The following ZGRF1 variants were observed in gnomAD, a reference collection of about 807,000 sequenced individuals.
ZGRF1 encodes 5'-3' DNA helicase ZGRF1.
A neutral mutation model predicts 203.5 loss-of-function variants in ZGRF1; 196 were observed. The ratio of observed to expected loss-of-function variants is 0.96; its 90% CI spans 0.86 to 1.08. The LOEUF is 1.08. Ranked by LOEUF, ZGRF1 falls within the 50% of genes least tolerant of loss-of-function variation. The pLI, the probability that ZGRF1 is intolerant of heterozygous loss-of-function variation, is 0.00. For missense variants in ZGRF1, 2,326 were observed against 2,416.3 expected (o/e 0.96, Z 0.78); for synonymous variants, 809 against 841.3 (o/e 0.96, Z 0.66).
chr4:112,610,365 G>A (rs1282021674), intron 7 of ZGRF1, among the ~76,000 whole-genome samples: 1 of 151,966 alleles, frequency 6.6e-6, no homozygotes, highest in Non-Finnish European at 1.5e-5. Context: ...GAGGACAGGA[G>A]TTCGAGACCA....
chr4:112,551,952 T>C (rs1436994380), intron 22 of ZGRF1, among the ~76,000 whole-genome samples: 1 of 152,150 alleles, frequency 6.6e-6, no homozygotes. Context: ...TTTTAAAAAT[T>C]AGTTTTATTG....
At chr4:112,546,713 CAT>C (rs371421092) in intron 24 of ZGRF1, 1 of 152,242 alleles carries the variant, frequency 6.6e-6, no homozygotes, top group African/African-American at 2.4e-5. Flanking sequence ...GCCATTATCA[CAT>C]GAGTGGCTTA....
At chr4:112,615,365 T>C (rs982776034) in intron 6 of ZGRF1, among the ~76,000 whole-genome samples, 3 of 151,982 alleles carry the variant, frequency 2.0e-5, no homozygotes, top group Non-Finnish European at 4.4e-5. Flanking sequence ...GTAGCTTAGA[T>C]TACAGGTCCC....
Position 112,618,406 on chromosome 4 carries a change from A to C in ZGRF1, c.1636T>G (p.Ser546Ala), listed in dbSNP as rs1401426934. The change falls in exon 6 of 28, where the codon TCA (serine) becomes GCA (alanine). Residue 546 changes from serine to alanine, a missense_variant. By Grantham distance (99) the Ser-to-Ala change is moderately conservative. Transcript: ENST00000505019. ...NFETSDTEEE[S>A]QESNKISQDS... ...TGGGAAATTTTGTTGCTTTCCTGTG[A>C]TTCCTCCTCAGTGTCACTGGTCTCA... 6.2e-7 allele frequency: 1 copy of C among 1,613,866 alleles called. No individual in the cohort carries two copies. The highest frequency in any genetic ancestry group is 1.7e-5 in the Admixed American group (1 of 60,006).
At chr4:112,548,401 TATTA>T (rs1201245633) in intron 22 of ZGRF1, 21 bp from the exon 23 acceptor site, 8 of 1,531,096 alleles carry the variant, frequency 5.2e-6, no homozygotes, top group Non-Finnish European at 7.0e-6. Context: ...ACAAAAATGT[TATTA>T]ATTAACAATT....
In ZGRF1 at chr4:112,565,148, G is replaced by A; in HGVS notation, c.4439-1874C>T. 4.1e-6 allele frequency: 6 copies of A among 1,447,878 alleles called. No homozygotes were observed. The South Asian group carries it at 4.5e-5, about 11-fold the overall frequency. 89.7% of individuals were successfully genotyped at this position (1,447,878 alleles called of 1,614,324 possible). ...ACTGTGGCGCTCCGTGAAATTAGAT[G>A]TTATCAGAAGTCCACTGAACTTCTG... On this transcript the variant is annotated intron_variant, in intron 16 of 27. Transcript: ENST00000505019.
At chr4:112,576,979 G>T (rs1745356197) in intron 16 of ZGRF1, among the ~76,000 whole-genome samples, 1 of 151,376 alleles carries the variant, frequency 6.6e-6, no homozygotes, top group African/African-American at 2.4e-5. Flanking sequence ...ATAATCGTCA[G>T]ATTCACCAAA....
In ZGRF1 at chr4:112,541,144, A is replaced by G; in HGVS notation, c.5723T>C (p.Leu1908Ser). ...NGVTEIERSP[L>S]LEWLPTLCFY... ...ACACAGGGTTGGTAGCCATTCCAAT[A>G]AAGGGCTCCGCTCTATTTCTGTTAC... is the stretch of plus-strand genomic sequence containing the variant. Residue 1908 changes from leucine (L) to serine (S), a missense_variant, in exon 25 of 28, where the codon TTA (leucine) becomes TCA (serine). Transcript: ENST00000505019. 1 of 1,609,366 alleles carries G rather than the reference A, an allele frequency of 6.2e-7. No homozygotes were observed. The highest frequency in any genetic ancestry group is 8.5e-7 in the Non-Finnish European group (1 of 1,177,594).
intron 14 of ZGRF1, among the ~76,000 whole-genome samples, chr4:112,585,103 C>T (rs751002393): frequency 2.4e-4 from 37 of 152,066 alleles, no homozygotes; most frequent in Non-Finnish European, 4.6e-4. Context: ...TTATCAATTA[C>T]AGAAGTATGT....
intron 10 of ZGRF1, among the ~76,000 whole-genome samples, chr4:112,596,738 C>T (rs1249362829): frequency 3.3e-5 from 5 of 152,008 alleles, no homozygotes; most frequent in Non-Finnish European, 4.4e-5. Flanking sequence ...GGATTACAGG[C>T]ACATGCCACC....
intron 3 of ZGRF1, among the ~76,000 whole-genome samples, chr4:112,630,578 T>C (rs565272547): frequency 1.3e-3 from 196 of 152,214 alleles, no homozygotes; most frequent in African/African-American, 4.6e-3. Context: ...AGGGACTTCA[T>C]TCAGGAGGCC....
At chr4:112,630,555 T>C (rs1479132457) in intron 3 of ZGRF1, among the ~76,000 whole-genome samples, 1 of 152,050 alleles carries the variant, frequency 6.6e-6, no homozygotes, top group Non-Finnish European at 1.5e-5. Flanking sequence ...CTTTAATTGC[T>C]AGACTGAGGA....
At chr4:112,546,922 A>C (rs1425063122) in intron 24 of ZGRF1, 1 of 155,110 alleles carries the variant, frequency 6.4e-6, no homozygotes, top group East Asian at 1.9e-4. Flanking sequence ...TACCAGCACA[A>C]AATAGACTAA....
chr4:112,625,183 G>A (rs2047192371), intron 3 of ZGRF1, among the ~76,000 whole-genome samples: 1 of 152,154 alleles, frequency 6.6e-6, no homozygotes, highest in East Asian at 1.9e-4. Context: ...CAACTACTTC[G>A]GAAGCTAAGG....
At chr4:112,620,213 C>T in intron 4 of ZGRF1, 23 bp from the exon 5 acceptor site, 1 of 1,572,482 alleles carries the variant, frequency 6.4e-7, no homozygotes, top group Non-Finnish European at 8.7e-7. Context: ...ATGTCAAAAT[C>T]ACATACATCT....
chr4:112,560,732 C>T lies in ZGRF1; in HGVS notation c.4960+1G>A, dbSNP rs758473930. 6.4e-7 allele frequency: 1 copy of T among 1,568,092 alleles called. No homozygotes were observed. Among genetic ancestry groups the T allele is most frequent in the Non-Finnish European group, 8.7e-7 (1 of 1,152,044 alleles). ...CAATTATTTTCTTTCTTGCTTCTTA[C>T]CATGTATGATTGTGATAGGGAAGGT... On this transcript the variant is annotated splice_donor_variant, in intron 19 of 27. Transcript: ENST00000505019. LOFTEE classifies it high-confidence loss of function.
At chr4:112,633,948 G>A (rs1205472454) in intron 1 of ZGRF1, among the ~76,000 whole-genome samples, 2 of 152,152 alleles carry the variant, frequency 1.3e-5, no homozygotes, top group African/African-American at 2.4e-5. Context: ...CTGGGGTTGG[G>A]GGCCCAGCAG....
At chr4:112,590,623 T>G (rs1747992590) in intron 10 of ZGRF1, among the ~76,000 whole-genome samples, 1 of 151,926 alleles carries the variant, frequency 6.6e-6, no homozygotes. Context: ...TGACTGTATA[T>G]TTTCCTTAAT....
intron 3 of ZGRF1, among the ~76,000 whole-genome samples, chr4:112,626,539 C>T (rs1311458612): frequency 6.6e-6 from 1 of 152,198 alleles, no homozygotes; most frequent in East Asian, 1.9e-4. Context: ...ATTTAGTGGT[C>T]TGTCTCCTCC....
Sources: gnomAD v4.1 joint callset for allele counts (sites outside exome capture counted in the v4.1 genomes callset) on GRCh38, gnomAD v4.1.1 for gene constraint, MANE v1.5 for transcripts, NCBI Gene and HGNC (gene_info 2026-07-23, HGNC 2026-07-21) for gene names.